Variants in RPN2 observed in about 807,000 individuals in gnomAD.
The protein encoded by RPN2 is dolichyl-diphosphooligosaccharide--protein glycosyltransferase subunit 2.
A neutral mutation model predicts 71.4 loss-of-function variants in RPN2; 29 were observed. That is an observed-to-expected ratio of 0.41 (90% CI 0.30 to 0.55). The LOEUF (loss-of-function observed/expected upper bound fraction) is 0.55, where lower values mean the gene tolerates loss of function less well. RPN2 is among the 20% of genes least tolerant of loss of function. RPN2 has a pLI of 0.35. For missense variants in RPN2, 726 were observed against 774.1 expected (o/e 0.94, Z 0.74); for synonymous variants, 308 against 305.0 (o/e 1.01, Z -0.10).
chr20:37,187,694 G>A (rs1399550592), intron 2 of RPN2, among the ~76,000 whole-genome samples: 1 of 151,952 alleles, frequency 6.6e-6, no homozygotes, highest in Non-Finnish European at 1.5e-5. Flanking sequence ...AGGCTGGAGT[G>A]CAGTGGTGTG....
chr20:37,195,726 C>T (rs1420616283), intron 2 of RPN2, among the ~76,000 whole-genome samples: 1 of 152,146 alleles, frequency 6.6e-6, no homozygotes. Flanking sequence ...ATTGTTAAAG[C>T]ACCAGATGGC....
chr20:37,202,004 C>A (rs2067401290), intron 4 of RPN2, among the ~76,000 whole-genome samples: 5 of 152,122 alleles, frequency 3.3e-5, no homozygotes, highest in Non-Finnish European at 7.3e-5. Context: ...GTACTATGCT[C>A]CAGAGAAAAA....
chr20:37,213,912 G>A, intron 9 of RPN2, 47 bp downstream of exon 9: 2 of 1,343,542 alleles, frequency 1.5e-6, no homozygotes, highest in Non-Finnish European at 2.1e-6. Context: ...TATATCCAAG[G>A]ATATGGCCAA....
intron 13 of RPN2, among the ~76,000 whole-genome samples, chr20:37,230,321 C>A (rs2068205250): frequency 6.6e-6 from 1 of 152,194 alleles, no homozygotes; most frequent in Non-Finnish European, 1.5e-5. Context: ...CCGGCAGGTT[C>A]AACCCTCAGA....
At chr20:37,215,104 T>C (rs867336774) in intron 9 of RPN2, among the ~76,000 whole-genome samples, 1 of 152,386 alleles carries the variant, frequency 6.6e-6, no homozygotes. Flanking sequence ...AATTGCATCA[T>C]GGACATTTAT....
chr20:37,196,275 C>G (rs186332310), intron 2 of RPN2, among the ~76,000 whole-genome samples: 1 of 152,046 alleles, frequency 6.6e-6, no homozygotes, highest in African/African-American at 2.4e-5. Flanking sequence ...GTCGCCCAGG[C>G]TGGAGTGCAG....
intron 14 of RPN2, among the ~76,000 whole-genome samples, chr20:37,233,323 C>T (rs1215825504): frequency 6.6e-6 from 1 of 152,074 alleles, no homozygotes; most frequent in Non-Finnish European, 1.5e-5. Flanking sequence ...TTCTCCTTTT[C>T]AGTACCATTT....
intron 16 of RPN2, chr20:37,238,458 G>T: frequency 6.3e-7 from 1 of 1,596,914 alleles, no homozygotes; most frequent in Non-Finnish European, 8.6e-7. Flanking sequence ...CGGTAAAGAT[G>T]AAGGGCGGAC....
intron 9 of RPN2, among the ~76,000 whole-genome samples, chr20:37,217,471 T>G (rs942233763): frequency 2.0e-5 from 3 of 151,830 alleles, no homozygotes; most frequent in African/African-American, 7.3e-5. Flanking sequence ...TTTTGTATAT[T>G]TAGTAGAGAC....
In RPN2 at chr20:37,228,589, G is replaced by A; in HGVS notation, c.1339G>A (p.Val447Met). The change falls in exon 12 of 17, where the codon GTG becomes ATG. Residue 447 changes from valine (V) to methionine (M), a missense_variant. By Grantham distance (21) the Val-to-Met change is conservative. Coordinates refer to ENST00000237530, the MANE Select transcript of RPN2 (RefSeq NM_002951.5). ...CCATAACCAGAAGACTGGCCAGGAA[G>A]TGGTGTTTGTTGCCGAGCCAGACAA... is the stretch of plus-strand genomic sequence containing the variant. ...RLHNQKTGQE[V>M]VFVAEPDNKN... 1 of 1,614,264 alleles carries A rather than the reference G, an allele frequency of 6.2e-7. No individual in the cohort carries two copies. The highest frequency in any genetic ancestry group is 8.5e-7 in the Non-Finnish European group (1 of 1,180,036).
chr20:37,234,152 CG>C (rs1421470499), intron 15 of RPN2, 57 bp downstream of exon 15: 9 of 1,553,248 alleles, frequency 5.8e-6, no homozygotes, highest in Non-Finnish European at 8.0e-6. Context: ...AGCCTGCCCA[CG>C]CAAAAGCCCT....
intron 14 of RPN2, 111 bp downstream of exon 14, chr20:37,232,502 C>A (rs2068280770): frequency 3.1e-6 from 4 of 1,308,384 alleles, no homozygotes; most frequent in Non-Finnish European, 4.4e-6. Flanking sequence ...CCAGAGGGGT[C>A]CAGCAGCTGT....
intron 4 of RPN2, among the ~76,000 whole-genome samples, chr20:37,200,095 A>G (rs1285626710): frequency 6.6e-6 from 1 of 152,088 alleles, no homozygotes; most frequent in African/African-American, 2.4e-5. Flanking sequence ...CCCGGGTTCA[A>G]GCAGTTCTCC....
At chr20:37,191,658 C>A (rs2067143419) in intron 2 of RPN2, among the ~76,000 whole-genome samples, 1 of 144,734 alleles carries the variant, frequency 6.9e-6, no homozygotes, top group South Asian at 2.2e-4. Flanking sequence ...GTCCCAGCTA[C>A]TTTTTTTTTT....
chr20:37,218,108 C>T (rs2067862240), intron 9 of RPN2, among the ~76,000 whole-genome samples: 1 of 152,098 alleles, frequency 6.6e-6, no homozygotes, highest in Admixed American at 6.6e-5. Context: ...ATAAAGTTTA[C>T]CAATTAAAAG....
chr20:37,183,913 C>T (rs2066939689), intron 1 of RPN2, among the ~76,000 whole-genome samples: 1 of 152,140 alleles, frequency 6.6e-6, no homozygotes, highest in Admixed American at 6.6e-5. Flanking sequence ...TCCTTAGAGG[C>T]AGAGGACTTA....
chr20:37,194,253 AAAT>A (rs1463155500), intron 2 of RPN2, among the ~76,000 whole-genome samples: 1 of 78,364 alleles, frequency 1.3e-5, no homozygotes, highest in Non-Finnish European at 3.0e-5. Context: ...GGGTTGAGGG[AAAT>A]TGTTGTTGTT....
chr20:37,229,501 G>A (rs901927579), intron 12 of RPN2, among the ~76,000 whole-genome samples: 3 of 152,124 alleles, frequency 2.0e-5, no homozygotes, highest in African/African-American at 7.2e-5. Context: ...GGCTTTGAAT[G>A]GTGGTTGACT....
At chr20:37,193,765 G>A (rs1403583964) in intron 2 of RPN2, among the ~76,000 whole-genome samples, 1 of 152,170 alleles carries the variant, frequency 6.6e-6, no homozygotes, top group Non-Finnish European at 1.5e-5. Flanking sequence ...CACGAATTTG[G>A]TCTTTACCAT....
Sources: allele counts gnomAD v4.1 joint callset (sites outside exome capture counted in the v4.1 genomes callset), GRCh38; gene constraint gnomAD v4.1.1; transcripts MANE v1.5; gene names NCBI Gene and HGNC (gene_info 2026-07-23, HGNC 2026-07-21).